Variants in SLIT2 observed in about 807,000 individuals in gnomAD.
SLIT2 encodes slit guidance ligand 2, also known as slit homolog 2 protein.
Under a neutral mutation model 185.7 loss-of-function variants are expected in SLIT2, and 41 were observed. The ratio of observed to expected loss-of-function variants is 0.22; its 90% CI spans 0.17 to 0.29. The LOEUF (loss-of-function observed/expected upper bound fraction) is 0.29. SLIT2 is among the 10% of genes least tolerant of loss of function. The probability of loss-of-function intolerance (pLI) is 1.00; values close to 1 mark genes in which losing one functional copy is unlikely to be tolerated. For synonymous variants in SLIT2, 693 were observed against 680.2 expected (o/e 1.02, Z -0.29); for missense variants, 1,571 against 1,909.0 (o/e 0.82, Z 3.30).
rs933818514 is a variant in SLIT2, at chr4:20,320,911, C to T, written c.395+52030C>T. On this transcript the variant is annotated intron_variant, in intron 4 of 36. Coordinates refer to ENST00000504154, the MANE Select transcript of SLIT2 (RefSeq NM_004787.4). ...AGGTGCAGTGGCCCATGCCTGTAAT[C>T]CCAGCACTTTGGGAGGTTGAGGCAA... Among the ~76,000 whole-genome samples, 5 of 152,154 alleles carry T rather than the reference C, an allele frequency of 3.3e-5. No homozygotes were observed. The East Asian group carries it at 9.7e-4, about 29-fold the overall frequency.
intron 33 of SLIT2, among the ~76,000 whole-genome samples, chr4:20,602,716 T>G (rs1327779953): frequency 6.6e-6 from 1 of 152,186 alleles, no homozygotes; most frequent in East Asian, 1.9e-4. Context: ...ATATGTACTT[T>G]GAGAGCTGAT....
At chr4:20,469,788 C>G (rs1714768767) in intron 5 of SLIT2, among the ~76,000 whole-genome samples, 1 of 131,520 alleles carries the variant, frequency 7.6e-6, no homozygotes, top group African/African-American at 2.9e-5. Context: ...TGGTGTCTCG[C>G]TCTCTCACCC....
chr4:20,595,795 C>G lies in SLIT2; in HGVS notation c.3281C>G (p.Ala1094Gly). ...AAAAACGGAGCCCACTGCACAGATGCAGTGAACGGCTATACGTGCATATGC... is the reference window on the plus strand; with the variant it reads ...AAAAACGGAGCCCACTGCACAGATGGAGTGAACGGCTATACGTGCATATGC... ...KCKNGAHCTD[A>G]VNGYTCICPE... The change falls in exon 31 of 37, where the codon GCA becomes GGA. Residue 1094 changes from alanine (A) to glycine (G), a missense_variant. This residue lies in a region of SLIT2 where 1,202 missense variants were observed against 1,416.4 expected (regional missense o/e 0.85). Transcript: ENST00000504154. The G allele has an allele frequency of 6.2e-7, 1 of 1,614,030 alleles. No homozygotes were observed. The highest frequency in any genetic ancestry group is 8.5e-7 in the Non-Finnish European group (1 of 1,179,934).
intron 3 of SLIT2, among the ~76,000 whole-genome samples, chr4:20,266,745 AC>A (rs954566095): frequency 1.3e-5 from 2 of 152,004 alleles, no homozygotes; most frequent in African/African-American, 4.8e-5. Flanking sequence ...AGAGACCAGT[AC>A]ATGAATAAAT....
intron 4 of SLIT2, among the ~76,000 whole-genome samples, chr4:20,291,904 CTGTGTGTGTGTGTGTGTGTG>C (rs35335088): frequency 6.8e-6 from 1 of 146,856 alleles, no homozygotes; most frequent in Non-Finnish European, 1.5e-5. Context: ...CTGCACACCT[CTGTGTGTGTGTGTGTGTGTG>C]TGTGTGTGTG....
At chr4:20,499,276 A>T (rs1460650345) in intron 9 of SLIT2, among the ~76,000 whole-genome samples, 1 of 152,000 alleles carries the variant, frequency 6.6e-6, no homozygotes, top group East Asian at 1.9e-4. Context: ...TAGATTCTGG[A>T]TATTAGTTCT....
At chr4:20,463,533 G>A (rs1402492890) in intron 4 of SLIT2, among the ~76,000 whole-genome samples, 32 of 143,386 alleles carry the variant, frequency 2.2e-4, no homozygotes, top group African/African-American at 7.7e-4. Flanking sequence ...GTGTGTGTGT[G>A]TGTGTGTGTG....
intron 4 of SLIT2, among the ~76,000 whole-genome samples, chr4:20,274,516 C>T (rs1404529995): frequency 6.6e-6 from 1 of 152,172 alleles, no homozygotes; most frequent in Non-Finnish European, 1.5e-5. Flanking sequence ...GTGATTTAAA[C>T]GTCCTAAATC....
intron 30 of SLIT2, among the ~76,000 whole-genome samples, chr4:20,593,662 G>A (rs1727691943): frequency 6.6e-6 from 1 of 152,100 alleles, no homozygotes; most frequent in Non-Finnish European, 1.5e-5. Context: ...TATGGGAGGT[G>A]ATGGATATGT....
At chr4:20,532,598 C>T (rs1230955203) in intron 17 of SLIT2, among the ~76,000 whole-genome samples, 1 of 152,082 alleles carries the variant, frequency 6.6e-6, no homozygotes, top group Non-Finnish European at 1.5e-5. Flanking sequence ...GGAGGTGTGA[C>T]GGGGAGACAG....
chr4:20,530,470 A>T (rs1721699930), intron 16 of SLIT2, among the ~76,000 whole-genome samples: 1 of 151,956 alleles, frequency 6.6e-6, no homozygotes, highest in African/African-American at 2.4e-5. Flanking sequence ...TTTTGTAGAG[A>T]TGGGATTTTG....
chr4:20,463,472 T>TATCAC (rs1553906512), intron 4 of SLIT2, among the ~76,000 whole-genome samples: 2 of 115,696 alleles, frequency 1.7e-5, no homozygotes, highest in African/African-American at 6.9e-5. Context: ...TATATATATA[T>TATCAC]ATATATATAT....
chr4:20,266,772 G>A (rs943104390), intron 3 of SLIT2, among the ~76,000 whole-genome samples: 1 of 151,928 alleles, frequency 6.6e-6, no homozygotes, highest in African/African-American at 2.4e-5. Flanking sequence ...ACAGTGTAAG[G>A]GACTCTTGCT....
At chr4:20,507,114 A>C (rs1222818342) in intron 9 of SLIT2, among the ~76,000 whole-genome samples, 1 of 152,002 alleles carries the variant, frequency 6.6e-6, no homozygotes, top group Non-Finnish European at 1.5e-5. Context: ...GCATGACTCA[A>C]GTGTGTCTGA....
chr4:20,592,961 A>T (rs914418952), intron 30 of SLIT2, among the ~76,000 whole-genome samples: 1 of 152,150 alleles, frequency 6.6e-6, no homozygotes, highest in Non-Finnish European at 1.5e-5. Flanking sequence ...ATATACTCCC[A>T]TTTGTTTTAA....
intron 4 of SLIT2, among the ~76,000 whole-genome samples, chr4:20,286,931 C>T (rs1326839392): frequency 6.6e-6 from 1 of 152,168 alleles, no homozygotes; most frequent in East Asian, 1.9e-4. Context: ...AAATATGTAT[C>T]ACCATCTCAG....
At chr4:20,442,776 C>G (rs117775763) in intron 4 of SLIT2, among the ~76,000 whole-genome samples, 1,560 of 152,186 alleles carry the variant, frequency 0.01, 21 homozygotes, top group East Asian at 0.081. Flanking sequence ...AGGCCTTGCT[C>G]TATTGCCAGC....
chr4:20,341,400 T>C (rs1720952730), intron 4 of SLIT2, among the ~76,000 whole-genome samples: 1 of 152,236 alleles, frequency 6.6e-6, no homozygotes, highest in Non-Finnish European at 1.5e-5. Context: ...CCCCACTTAC[T>C]GTTTTGTTTA....
intron 29 of SLIT2, among the ~76,000 whole-genome samples, chr4:20,576,586 G>A (rs929633194): frequency 7.2e-5 from 11 of 152,056 alleles, no homozygotes; most frequent in Admixed American, 3.3e-4. Context: ...TTATAGTTGC[G>A]GACACACTTG....
Sources: allele counts gnomAD v4.1 joint callset (sites outside exome capture counted in the v4.1 genomes callset), GRCh38; gene constraint gnomAD v4.1.1; regional missense constraint gnomAD v4.1.1; transcripts MANE v1.5; gene names NCBI Gene and HGNC (gene_info 2026-07-23, HGNC 2026-07-21).